The following EMILIN2 variants were observed in gnomAD, a reference collection of about 807,000 sequenced individuals.
The protein encoded by EMILIN2 is EMILIN-2.
EMILIN2 carries 71 observed loss-of-function variants against 87.1 expected under a neutral mutation model. The ratio of observed to expected loss-of-function variants is 0.82; its 90% CI spans 0.67 to 0.99. The LOEUF (loss-of-function observed/expected upper bound fraction) is 0.99. EMILIN2 is among the 50% of genes least tolerant of loss of function. The pLI, the probability that EMILIN2 is intolerant of heterozygous loss-of-function variation, is 0.00. For synonymous variants in EMILIN2, 581 were observed against 563.4 expected, an observed-to-expected ratio of 1.03 and a Z score of -0.44; for missense variants, 1,407 against 1,371.8, an observed-to-expected ratio of 1.03 and a Z score of -0.40.
chr18:2,909,065 C>T lies in EMILIN2; in HGVS notation c.2695+90C>T, dbSNP rs1426377803. ...GCATCTCCTGCCTCCTCCCTCCAGG[C>T]TATTAGCACAAATCAAGCCTGGGCC... On this transcript the variant is annotated intron_variant, in intron 6 of 7. Transcript: ENST00000254528. 4 of 1,494,848 alleles carry T rather than the reference C, an allele frequency of 2.7e-6. No homozygotes were observed. The East Asian group carries it at 9.0e-5, about 34-fold the overall frequency. 92.6% of individuals were successfully genotyped at this position (1,494,848 alleles called of 1,614,324 possible).
intron 2 of EMILIN2, among the ~76,000 whole-genome samples, chr18:2,877,147 GA>G (rs2076753029): frequency 2.6e-5 from 4 of 152,232 alleles, no homozygotes; most frequent in Admixed American, 6.5e-5. Context: ...TCCGGGGTCA[GA>G]GTGCACCTCC....
rs1157674351 is a variant in EMILIN2 at position 2,847,114 on chromosome 18, G to A, written c.-75G>A. 5 of 1,074,176 alleles carry A rather than the reference G, an allele frequency of 4.7e-6. No individual in the cohort carries two copies. Among genetic ancestry groups the A allele is most frequent in the East Asian group, 2.0e-4 (2 of 10,192 alleles). The allele number at this position is 1,074,176 out of a possible 1,614,324, so 66.5% of individuals were successfully genotyped here. On this transcript the variant is annotated 5_prime_UTR_variant, in exon 1 of 8. Transcript: ENST00000254528. This position sits in a 1 kb window ranked among gnomAD's most constrained non-coding sequence, Gnocchi z 4.5. Reference sequence around the variant, plus strand: ...CTTCGCGGGCGGCGCCCTGGCCGCCGGCAGCCTTGTGGCCGGTGCCCCGAT... The same window carrying A: ...CTTCGCGGGCGGCGCCCTGGCCGCCAGCAGCCTTGTGGCCGGTGCCCCGAT...
chr18:2,899,286 G>T (rs545731651), intron 4 of EMILIN2, among the ~76,000 whole-genome samples: 13 of 152,288 alleles, frequency 8.5e-5, no homozygotes, highest in Admixed American at 2.6e-4. Flanking sequence ...GAGGAGGTGG[G>T]GGGGAGGGAG....
At chr18:2,888,314 C>G (rs1030523013) in intron 3 of EMILIN2, among the ~76,000 whole-genome samples, 25 of 152,344 alleles carry the variant, frequency 1.6e-4, no homozygotes, top group African/African-American at 5.3e-4. Flanking sequence ...CATTTCCTTA[C>G]ATCCTCAATC....
At chr18:2,906,670 C>CA in intron 4 of EMILIN2, 113 bp from the exon 5 acceptor site, 1 of 852,876 alleles carries the variant, frequency 1.2e-6, no homozygotes, top group Non-Finnish European at 1.5e-6. Flanking sequence ...GGGGTGGCCG[C>CA]AGAGTCCTCA....
chr18:2,872,599 A>G (rs893932985), intron 2 of EMILIN2, among the ~76,000 whole-genome samples: 1 of 152,206 alleles, frequency 6.6e-6, no homozygotes, highest in African/African-American at 2.4e-5. Flanking sequence ...TTCTAGTTAA[A>G]TCAACCAAAG....
At position 2,909,489 on chromosome 18, in the gene EMILIN2, C is replaced by T. The variant is rs575179838; in HGVS notation, c.2696-202C>T. ...CCTAACAAGAGTCTGTCCGGTTTCT[C>T]AGATTCCTCAGCTGTCCTGCCTGCT... is the stretch of plus-strand genomic sequence containing the variant. On this transcript the variant is annotated intron_variant, in intron 6 of 7. Transcript: ENST00000254528. 9.2e-5 allele frequency among the ~76,000 whole-genome samples: 14 copies of T among 152,364 alleles called. No homozygotes were observed. In the South Asian group the frequency reaches 2.7e-3, roughly 29 times the overall value.
chr18:2,868,675 A>C (rs1240168245), intron 2 of EMILIN2, among the ~76,000 whole-genome samples: 2 of 152,190 alleles, frequency 1.3e-5, no homozygotes, highest in Non-Finnish European at 2.9e-5. Context: ...GCGCGCCTGC[A>C]ATCGCAGGCA....
rs1489443825 is a variant in EMILIN2 at position 2,888,654 on chromosome 18, G to T, written c.434-1907G>T. The stretch of plus-strand genomic sequence containing the variant: ...GGCGTGAACCCAAGAGGCAGAGCTT[G>T]CAGTGAGCCGAGATAGCACCACTGC... On this transcript the variant is annotated intron_variant, in intron 3 of 7. Transcript: ENST00000254528. Among the ~76,000 whole-genome samples the T allele has an allele frequency of 4.0e-5, 6 of 149,756 alleles. No individual in the cohort carries two copies. The Admixed American group carries it at 4.0e-4, about 10-fold the overall frequency.
chr18:2,853,503 C>T (rs1228539725), intron 2 of EMILIN2, among the ~76,000 whole-genome samples: 1 of 152,156 alleles, frequency 6.6e-6, no homozygotes, highest in Admixed American at 6.5e-5. Flanking sequence ...GGTTGACATC[C>T]GTGGGATTGA....
intron 4 of EMILIN2, among the ~76,000 whole-genome samples, chr18:2,901,159 C>T (rs547491734): frequency 6.6e-6 from 1 of 152,208 alleles, no homozygotes; most frequent in Non-Finnish European, 1.5e-5. Context: ...TTCCCACAGC[C>T]GAGTCTCAAC....
chr18:2,886,307 G>A (rs1452355708), intron 3 of EMILIN2, among the ~76,000 whole-genome samples: 1 of 152,148 alleles, frequency 6.6e-6, no homozygotes, highest in Non-Finnish European at 1.5e-5. Flanking sequence ...TGACATGGGG[G>A]CTGGTGGATT....
intron 2 of EMILIN2, among the ~76,000 whole-genome samples, chr18:2,882,579 T>C (rs1296342718): frequency 1.3e-5 from 2 of 151,582 alleles, no homozygotes; most frequent in Non-Finnish European, 2.9e-5. Flanking sequence ...ACCCTATCTC[T>C]TAAAAAAATT....
chr18:2,909,631 C>T, intron 6 of EMILIN2, 60 bp from the exon 7 acceptor site: 1 of 1,584,628 alleles, frequency 6.3e-7, no homozygotes, highest in Non-Finnish European at 8.6e-7. Flanking sequence ...GTTTTCCAGG[C>T]CCTCCCCCTG....
chr18:2,910,737 C>G (rs1438342478), intron 7 of EMILIN2, among the ~76,000 whole-genome samples: 2 of 152,204 alleles, frequency 1.3e-5, no homozygotes, highest in Non-Finnish European at 2.9e-5. Context: ...TTTAGCCACC[C>G]CCAGCCTCAC....
At chr18:2,909,908 G>A (rs1008411812) in intron 7 of EMILIN2, 89 bp downstream of exon 7, 42 of 1,560,344 alleles carry the variant, frequency 2.7e-5, no homozygotes, top group South Asian at 1.2e-4. Context: ...GGTTCCCAGC[G>A]TCCCGTGGGC....
intron 3 of EMILIN2, among the ~76,000 whole-genome samples, chr18:2,889,133 C>CTTTTCTTTTTTTTTTTTTTT (rs2076819032): frequency 1.2e-5 from 1 of 84,356 alleles, no homozygotes; most frequent in African/African-American, 4.9e-5. Context: ...TCTTTCTTTT[C>CTTTTCTTTTTTTTTTTTTTT]TTTTTTTTTT....
Position 2,848,958 on chromosome 18 carries a change from C to T in EMILIN2, c.257+1027C>T, listed in dbSNP as rs1192441433. On this transcript the variant is annotated intron_variant, in intron 2 of 7. Transcript: ENST00000254528. The surrounding 1 kb of genome is among the most constrained non-coding windows in gnomAD (Gnocchi z 4.1). ...GGAAGTGGTCGCTGGGTCCACCCCACGTGGGCTTCTGGAGGAGCTGCCAAC... is the reference window on the plus strand; with the variant it reads ...GGAAGTGGTCGCTGGGTCCACCCCATGTGGGCTTCTGGAGGAGCTGCCAAC... Among the ~76,000 whole-genome samples the T allele has an allele frequency of 6.6e-6, 1 of 152,176 alleles. No individual in the cohort carries two copies. The highest frequency in any genetic ancestry group is 1.5e-5 in the Non-Finnish European group (1 of 68,040).
intron 2 of EMILIN2, among the ~76,000 whole-genome samples, chr18:2,856,318 A>C (rs535634818): frequency 1.3e-5 from 2 of 152,304 alleles, no homozygotes; most frequent in East Asian, 1.9e-4. Context: ...CACATAAGTG[A>C]TTATGGTCAA....
Sources: allele counts gnomAD v4.1 joint callset (sites outside exome capture counted in the v4.1 genomes callset), GRCh38; gene constraint gnomAD v4.1.1; non-coding constraint Gnocchi (gnomAD v3.1); transcripts MANE v1.5; gene names NCBI Gene and HGNC (gene_info 2026-07-23, HGNC 2026-07-21).